Variants in NCOR2 observed in about 807,000 individuals in gnomAD.
NCOR2 encodes the protein nuclear receptor corepressor 2, also known as CTG repeat protein 26.
Under a neutral mutation model 262.9 loss-of-function variants are expected in NCOR2, and 81 were observed. The observed-to-expected ratio is 0.31, with a 90% CI of 0.26 to 0.37. NCOR2 has a LOEUF of 0.37. Among genes scored for constraint, NCOR2 ranks in the 10% least tolerant of loss-of-function variants. NCOR2 has a pLI of 1.00. For synonymous variants in NCOR2, 1,659 were observed against 1,559.3 expected, an observed-to-expected ratio of 1.06 and a Z score of -1.51; for missense variants, 3,385 against 3,621.4, an observed-to-expected ratio of 0.93 and a Z score of 1.68.
At chr12:124,488,315 G>A (rs2047892247) in intron 1 of NCOR2, among the ~76,000 whole-genome samples, 1 of 152,190 alleles carries the variant, frequency 6.6e-6, no homozygotes, top group South Asian at 2.1e-4. Context: ...GAAAAGCTGG[G>A]GAAAGGACCT....
At chr12:124,518,818 C>T (rs1257571792) in intron 1 of NCOR2, among the ~76,000 whole-genome samples, 10 of 152,192 alleles carry the variant, frequency 6.6e-5, no homozygotes, top group African/African-American at 1.9e-4. Context: ...CCTCCCAGCC[C>T]GGACTGTCCA....
chr12:124,403,233 C>G (rs573195853), intron 13 of NCOR2, among the ~76,000 whole-genome samples: 7 of 152,204 alleles, frequency 4.6e-5, no homozygotes, highest in African/African-American at 1.2e-4. Context: ...CCCAGGCCTG[C>G]GTGGAGGTGG....
At position 124,457,042 on chromosome 12, in the gene NCOR2, CCCTGCCCACCTCT is replaced by C; in HGVS notation, c.762+51_762+63del. On this transcript the variant is annotated intron_variant, in intron 6 of 46. Coordinates refer to ENST00000405201, the Ensembl canonical transcript of NCOR2. The surrounding 1 kb of genome is among the most constrained non-coding windows in gnomAD (Gnocchi z 4.0). Reference sequence around the variant, plus strand: ...CCTCCTCCGCCGCACCCTCCCGCCTCCCTGCCCACCTCTCCAGCCACCCCCGCCCTCCCCTGAG... The same window carrying C: ...CCTCCTCCGCCGCACCCTCCCGCCTCCCAGCCACCCCCGCCCTCCCCTGAG... 2 of 911,188 alleles carry C rather than the reference CCCTGCCCACCTCT, an allele frequency of 2.2e-6. No homozygotes were observed. Among genetic ancestry groups the C allele is most frequent in the Non-Finnish European group, 3.2e-6 (2 of 617,722 alleles). The allele number at this position is 911,188 out of a possible 1,614,324, so 56.4% of individuals were successfully genotyped here.
At chr12:124,479,446 C>T (rs1465068697) in intron 3 of NCOR2, among the ~76,000 whole-genome samples, 4 of 79,340 alleles carry the variant, frequency 5.0e-5, no homozygotes, top group Non-Finnish European at 1.3e-4. Flanking sequence ...CATGTGTGCA[C>T]ACACGCATAC....
chr12:124,466,035 C>A (rs747748675), intron 5 of NCOR2, 138 bp downstream of exon 7: 2 of 844,076 alleles, frequency 2.4e-6, no homozygotes, highest in South Asian at 1.7e-5. Flanking sequence ...CACTCATAAA[C>A]CCTGCGTCTC....
chr12:124,333,218 A>T (rs2035373692), exon 42 of NCOR2: 1 of 1,612,896 alleles, frequency 6.2e-7, no homozygotes, highest in Non-Finnish European at 8.5e-7. Flanking sequence ...TCCGGTGGGG[A>T]CACAGGTTCA....
At chr12:124,410,071 C>T (rs796610706) in intron 13 of NCOR2, among the ~76,000 whole-genome samples, 5 of 151,190 alleles carry the variant, frequency 3.3e-5, no homozygotes, top group East Asian at 2.0e-4. Context: ...GACAACCTGC[C>T]GCCTGTGAGC....
intron 17 of NCOR2, among the ~76,000 whole-genome samples, chr12:124,381,467 G>A (rs913155035): frequency 2.0e-5 from 3 of 151,620 alleles, no homozygotes; most frequent in African/African-American, 7.3e-5. Flanking sequence ...CCTGTCTCTC[G>A]CACCAGCTCC....
At chr12:124,343,322 C>A in intron 32 of NCOR2, 96 bp from the exon 35 acceptor site, 1 of 943,462 alleles carries the variant, frequency 1.1e-6, no homozygotes. Flanking sequence ...AGGACCAGGT[C>A]TCTTCATTCA....
rs918021630 is a variant in NCOR2, at chr12:124,453,021, C to T, written c.763-3154G>A. Among the ~76,000 whole-genome samples the T allele has an allele frequency of 1.1e-4, 16 of 152,096 alleles. No individual in the cohort carries two copies. In the East Asian group the frequency reaches 2.5e-3, roughly 24 times the overall value. On this transcript the variant is annotated intron_variant, in intron 6 of 46. Coordinates refer to ENST00000405201, the Ensembl canonical transcript of NCOR2. ...CAGAGCTGCCTGGAATGCCGTGCACCGCCATGGCAACAGGCTGAGGACAGC... is the reference window on the plus strand; with the variant it reads ...CAGAGCTGCCTGGAATGCCGTGCACTGCCATGGCAACAGGCTGAGGACAGC...
At chr12:124,480,074 A>G (rs565338331) in intron 3 of NCOR2, among the ~76,000 whole-genome samples, 13 of 152,318 alleles carry the variant, frequency 8.5e-5, no homozygotes, top group Admixed American at 2.0e-4. Flanking sequence ...GCCTCCTGAT[A>G]AAGGAGGTGC....
chr12:124,398,741 C>CAA (rs890182981), intron 15 of NCOR2, among the ~76,000 whole-genome samples: 13 of 152,334 alleles, frequency 8.5e-5, no homozygotes, highest in African/African-American at 3.1e-4. Context: ...TTGTGACCAT[C>CAA]AAAACTGTTC....
chr12:124,354,890 G>A (rs763188702), exon 25 of NCOR2: 14 of 1,611,930 alleles, frequency 8.7e-6, no homozygotes, highest in Admixed American at 3.4e-5. Context: ...AGGGCCCACC[G>A]GGGCCTTGGC....
intron 1 of NCOR2, among the ~76,000 whole-genome samples, chr12:124,530,445 G>C (rs1387075428): frequency 6.6e-6 from 1 of 152,140 alleles, no homozygotes; most frequent in African/African-American, 2.4e-5. Context: ...CATCATTATA[G>C]GTTAATTACA....
At chr12:124,502,639 G>T (rs2136959980) in intron 1 of NCOR2, among the ~76,000 whole-genome samples, 1 of 152,240 alleles carries the variant, frequency 6.6e-6, no homozygotes, top group East Asian at 1.9e-4. Flanking sequence ...GAAGGCATGT[G>T]AGGTCACTCT....
At chr12:124,411,720 G>A (rs907179509) in intron 13 of NCOR2, among the ~76,000 whole-genome samples, 4 of 152,254 alleles carry the variant, frequency 2.6e-5, no homozygotes, top group African/African-American at 9.6e-5. Flanking sequence ...CAGCGCTTGA[G>A]CTGTTCCCCG....
At chr12:124,387,769 G>A (rs950027211) in intron 16 of NCOR2, among the ~76,000 whole-genome samples, 8 of 152,238 alleles carry the variant, frequency 5.3e-5, no homozygotes, top group Admixed American at 6.5e-5. Context: ...AGGGCCGCGC[G>A]TTTATTTATA....
intron 1 of NCOR2, among the ~76,000 whole-genome samples, chr12:124,532,671 A>C (rs1467322218): frequency 2.0e-5 from 3 of 152,170 alleles, no homozygotes; most frequent in African/African-American, 7.2e-5. Context: ...CAGATAACTC[A>C]GCCACAGGAG....
intron 16 of NCOR2, chr12:124,388,862 C>A: frequency 9.6e-7 from 1 of 1,036,506 alleles, no homozygotes; most frequent in African/African-American, 1.9e-5. Context: ...CTCCGTCCCA[C>A]GGTGAGGGAG....
Sources: gnomAD v4.1 joint callset for allele counts (sites outside exome capture counted in the v4.1 genomes callset) on GRCh38, gnomAD v4.1.1 for gene constraint, Gnocchi (gnomAD v3.1) non-coding constraint, MANE v1.5 for transcripts, NCBI Gene and HGNC (gene_info 2026-07-23, HGNC 2026-07-21) for gene names.